Variants in HNRNPC observed in about 807,000 individuals in gnomAD.
The protein encoded by HNRNPC is heterogeneous nuclear ribonucleoproteins C1/C2.
Under a neutral mutation model 33.2 loss-of-function variants are expected in HNRNPC, and 3 were observed. That is an observed-to-expected ratio of 0.09 (90% CI 0.04 to 0.23). The LOEUF (loss-of-function observed/expected upper bound fraction) is 0.23, where lower values mean the gene tolerates loss of function less well. HNRNPC is among the 10% of genes least tolerant of loss of function. HNRNPC has a pLI of 1.00. For missense variants in HNRNPC, 143 were observed against 366.7 expected, an observed-to-expected ratio of 0.39 and a Z score of 4.98; for synonymous variants, 121 against 126.7, an observed-to-expected ratio of 0.96 and a Z score of 0.30.
At chr14:21,234,308 C>A in intron 2 of HNRNPC, 79 bp from the exon 3 acceptor site, 4 of 1,295,644 alleles carry the variant, frequency 3.1e-6, no homozygotes, top group Middle Eastern at 1.9e-4. Context: ...CACTCTCACT[C>A]TGAATCACTG....
At chr14:21,245,487 C>G (rs1895875731) in intron 2 of HNRNPC, among the ~76,000 whole-genome samples, 1 of 147,126 alleles carries the variant, frequency 6.8e-6, no homozygotes, top group African/African-American at 2.6e-5. Flanking sequence ...CAAAGCGAGA[C>G]TGTCGCCAAA....
At chr14:21,250,345 T>C (rs1375208841) in intron 2 of HNRNPC, among the ~76,000 whole-genome samples, 2 of 152,094 alleles carry the variant, frequency 1.3e-5, no homozygotes, top group Non-Finnish European at 2.9e-5. Context: ...AAAAATAAAA[T>C]GAAACATGGC....
intron 5 of HNRNPC, among the ~76,000 whole-genome samples, chr14:21,224,838 G>A (rs1165056930): frequency 6.6e-6 from 1 of 152,090 alleles, no homozygotes; most frequent in Non-Finnish European, 1.5e-5. Context: ...TTGAAGATTT[G>A]TCTATTTCTA....
chr14:21,231,238 A>G, intron 3 of HNRNPC, 166 bp from the exon 4 acceptor site: 1 of 704,398 alleles, frequency 1.4e-6, no homozygotes, highest in Non-Finnish European at 2.5e-6. Context: ...GGTTCAAGCG[A>G]TTCTCCTGCC....
rs757757104 is a variant in HNRNPC, at chr14:21,234,131, C to T, written c.63G>A (p.Gly21=). The T allele has an allele frequency of 1.2e-6, 2 of 1,614,038 alleles. No individual in the cohort carries two copies. Among genetic ancestry groups the T allele is most frequent in the African/African-American group, 2.7e-5 (2 of 75,030 alleles). ...TCTTGACCACAAGAGTGTTGAGATT[C>T]CCAATGAATACACGGGAGTTCATGG... The part of the protein sequence containing the change: ...PRSMNSRVFI[G]NLNTLVVKKS... The change falls in exon 3 of 9, where the codon GGG becomes GGA. Residue 21 remains glycine (G), a synonymous_variant. Transcript: ENST00000553300.
intron 2 of HNRNPC, among the ~76,000 whole-genome samples, chr14:21,241,347 T>C (rs1188934878): frequency 6.6e-6 from 1 of 151,676 alleles, no homozygotes; most frequent in Non-Finnish European, 1.5e-5. Flanking sequence ...CAATTCTATA[T>C]ACTAAATATG....
At chr14:21,226,907 G>A (rs1259594294) in intron 5 of HNRNPC, among the ~76,000 whole-genome samples, 15 of 112,960 alleles carry the variant, frequency 1.3e-4, no homozygotes, top group African/African-American at 4.6e-4. Context: ...GGGGGGGGGG[G>A]ACAGTGATTT....
At chr14:21,241,514 T>C (rs1388937375) in intron 2 of HNRNPC, among the ~76,000 whole-genome samples, 1 of 152,252 alleles carries the variant, frequency 6.6e-6, no homozygotes, top group Non-Finnish European at 1.5e-5. Flanking sequence ...GAATACTCTT[T>C]GGATACTATA....
intron 2 of HNRNPC, among the ~76,000 whole-genome samples, chr14:21,246,012 CG>C (rs1265013699): frequency 5.3e-5 from 8 of 151,894 alleles, no homozygotes; most frequent in African/African-American, 1.9e-4. Context: ...CGCCTGACTA[CG>C]GGGTTTGACC....
chr14:21,233,887 C>CA (rs200104559), intron 3 of HNRNPC, 66 bp downstream of exon 3: 27,813 of 1,102,910 alleles, frequency 0.025, 4 homozygotes, highest in South Asian at 0.035. Flanking sequence ...GACATAAAGA[C>CA]AAAAAAAAAA....
intron 7 of HNRNPC, 50 bp downstream of exon 7, chr14:21,211,760 T>C (rs551439313): frequency 1.3e-6 from 2 of 1,529,386 alleles, no homozygotes; most frequent in African/African-American, 2.7e-5. Context: ...TCAAGTGCCT[T>C]ATGTAACTAA....
rs144230134 is a variant in HNRNPC at position 21,221,777 on chromosome 14, C to T, written c.365+8542G>A. Among the ~76,000 whole-genome samples, 45 of 152,134 alleles carry T rather than the reference C, an allele frequency of 3.0e-4. No individual in the cohort carries two copies. In the East Asian group the frequency reaches 5.4e-3, roughly 18 times the overall value. ...AGTAAACAAATGGCTGGGCTGGGCA[C>T]GGTGGCTCATGCCTGTAATCTCAGC... On this transcript the variant is annotated intron_variant, in intron 5 of 8. Coordinates refer to ENST00000553300, the MANE Select transcript of HNRNPC (RefSeq NM_004500.4).
In HNRNPC at chr14:21,268,417, TG is replaced by T. The variant is rs781251339; in HGVS notation, c.-63+880del. Among the ~76,000 whole-genome samples, 21 of 152,198 alleles carry T rather than the reference TG, an allele frequency of 1.4e-4. 1 individual carries two copies. The highest frequency in any genetic ancestry group is 2.4e-4 in the Non-Finnish European group (16 of 68,026). ...AATTTGGGAATTTCCAGTTACCTCG[TG>T]GTTTCCGTCATCAGGTTCTTGGCAA... On this transcript the variant is annotated intron_variant, in intron 1 of 8. Coordinates refer to ENST00000553300, the MANE Select transcript of HNRNPC (RefSeq NM_004500.4).
chr14:21,249,685 TG>T (rs1386824267), intron 2 of HNRNPC, among the ~76,000 whole-genome samples: 1 of 151,996 alleles, frequency 6.6e-6, no homozygotes, highest in Non-Finnish European at 1.5e-5. Flanking sequence ...TATTAGCCAT[TG>T]GAAGTCCCAA....
chr14:21,251,809 C>T (rs552818985), intron 2 of HNRNPC, among the ~76,000 whole-genome samples: 29 of 152,228 alleles, frequency 1.9e-4, no homozygotes, highest in African/African-American at 7.0e-4. Flanking sequence ...TATAAATTTT[C>T]AGTAAATTTC....
Position 21,210,111 on chromosome 14 carries a change from G to T in HNRNPC, c.*1112C>A, listed in dbSNP as rs887160074. ...ACTTCAGAATTCAGAAGGTAACTGG[G>T]GCTATAAATAGTAATTAAAAGAACA... On this transcript the variant is annotated 3_prime_UTR_variant, in exon 9 of 9. Coordinates refer to ENST00000553300, the MANE Select transcript of HNRNPC (RefSeq NM_004500.4). The T allele has an allele frequency of 6.6e-6, 1 of 152,090 alleles. No homozygotes were observed. The highest frequency in any genetic ancestry group is 1.9e-4 in the East Asian group (1 of 5,204). 9.4% of individuals were successfully genotyped at this position (152,090 alleles called of 1,614,324 possible).
chr14:21,257,230 T>C (rs1238512695), intron 2 of HNRNPC, among the ~76,000 whole-genome samples: 1 of 152,162 alleles, frequency 6.6e-6, no homozygotes, highest in Non-Finnish European at 1.5e-5. Context: ...AATCAGCTTA[T>C]AGGTGGTATA....
At chr14:21,261,706 G>A (rs936692048) in intron 2 of HNRNPC, among the ~76,000 whole-genome samples, 5 of 152,132 alleles carry the variant, frequency 3.3e-5, no homozygotes, top group Non-Finnish European at 7.4e-5. Flanking sequence ...GACCAGCCTA[G>A]ACAACATAGC....
intron 2 of HNRNPC, among the ~76,000 whole-genome samples, chr14:21,245,084 C>CAAA (rs71112560): frequency 8.6e-4 from 47 of 54,494 alleles, no homozygotes; most frequent in African/African-American, 1.4e-3. Flanking sequence ...GACTCCATCT[C>CAAA]AAAAAAAAAA....
Sources: gnomAD v4.1 joint callset for allele counts (sites outside exome capture counted in the v4.1 genomes callset) on GRCh38, gnomAD v4.1.1 for gene constraint, MANE v1.5 for transcripts, NCBI Gene and HGNC (gene_info 2026-07-23, HGNC 2026-07-21) for gene names.